Variants in MICAL2 observed in about 807,000 individuals in gnomAD.
MICAL2 encodes the protein [F-actin]-monooxygenase MICAL2.
MICAL2 carries 77 observed loss-of-function variants against 127.3 expected under a neutral mutation model. That is an observed-to-expected ratio of 0.60 (90% confidence interval 0.50 to 0.73). MICAL2 has a LOEUF of 0.73. Among genes scored for constraint, MICAL2 ranks in the 30% least tolerant of loss-of-function variants. The probability of loss-of-function intolerance (pLI) is 0.00; values close to 1 mark genes in which losing one functional copy is unlikely to be tolerated. For missense variants in MICAL2, 1,351 were observed against 1,434.4 expected, an observed-to-expected ratio of 0.94 and a Z score of 0.94; for synonymous variants, 570 against 551.1, an observed-to-expected ratio of 1.03 and a Z score of -0.48.
intron 33 of MICAL2, among the ~76,000 whole-genome samples, chr11:12,354,499 G>A (rs1193877894): frequency 6.6e-6 from 1 of 151,274 alleles, no homozygotes; most frequent in African/African-American, 2.4e-5. Flanking sequence ...TTAGCCAGGC[G>A]TGGTGGTGCA....
At chr11:12,306,401 T>A (rs1263425622) in intron 29 of MICAL2, among the ~76,000 whole-genome samples, 1 of 152,198 alleles carries the variant, frequency 6.6e-6, no homozygotes, top group Non-Finnish European at 1.5e-5. Context: ...ATTGACTATA[T>A]GGTCATTTAG....
Position 12,208,128 on chromosome 11 carries a change from A to C in MICAL2, c.578A>C (p.Gln193Pro). The C allele has an allele frequency of 6.2e-7, 1 of 1,610,748 alleles. No individual in the cohort carries two copies. Among genetic ancestry groups the C allele is most frequent in the Non-Finnish European group, 8.5e-7 (1 of 1,176,922 alleles). Residue 193 changes from glutamine to proline, a missense_variant, in exon 5 of 28, where the codon CAA becomes CCA. By Grantham distance (76) the Gln-to-Pro change is moderately conservative. Transcript: ENST00000683283. Reference sequence around the variant, plus strand: ...AAGGTTCTAGAGCCTCCTGAAGATCAAGAAAATCAAAGTACAGTATAATTT... The same window carrying C: ...AAGGTTCTAGAGCCTCCTGAAGATCCAGAAAATCAAAGTACAGTATAATTT... Reference protein sequence around the residue: ...FVKVLEPPEDQENQKIGWRAE... With the variant: ...FVKVLEPPEDPENQKIGWRAE...
At chr11:12,256,100 G>A (rs1371295307) in intron 23 of MICAL2, 1 of 208,020 alleles carries the variant, frequency 4.8e-6, no homozygotes, top group African/African-American at 2.3e-5. Context: ...CTGTGCATTG[G>A]ATTGAGAAAA....
chr11:12,261,889 T>C, intron 26 of MICAL2: 1 of 986,180 alleles, frequency 1.0e-6, no homozygotes, highest in African/African-American at 1.7e-5. Context: ...ATTCCTTTTG[T>C]TTGAGTATAG....
At chr11:12,177,426 A>G (rs913925263) in intron 3 of MICAL2, among the ~76,000 whole-genome samples, 1 of 152,096 alleles carries the variant, frequency 6.6e-6, no homozygotes, top group African/African-American at 2.4e-5. Flanking sequence ...ATTTGGAAAT[A>G]TTTTCTCTCA....
chr11:12,260,930 C>G (rs1446496379), intron 26 of MICAL2: 3 of 985,392 alleles, frequency 3.0e-6, no homozygotes, highest in Non-Finnish European at 3.6e-6. Flanking sequence ...CTAATGGGCA[C>G]TGCAGGGAAA....
chr11:12,243,045 C>T (rs1860200626), intron 20 of MICAL2: 1 of 288,834 alleles, frequency 3.5e-6, no homozygotes, highest in African/African-American at 2.3e-5. Flanking sequence ...GAAGCACAAG[C>T]CGGTAGACCC....
rs371215940 is a variant in MICAL2, at chr11:12,358,345, G to A, written c.5740G>A (p.Glu1914Lys). The A allele has an allele frequency of 1.3e-5, 21 of 1,613,982 alleles. No homozygotes were observed. Among genetic ancestry groups the A allele is most frequent in the African/African-American group, 2.7e-5 (2 of 74,906 alleles). The change falls in exon 35 of 35, where the codon GAG becomes AAG. Residue 1914 changes from glutamate to lysine, a missense_variant. Glu to Lys is a moderately conservative substitution (Grantham distance 56). Transcript: ENST00000646065. ...AAACGAAGAGCAAGAAGTATTCACCGAGCTGATGCAAGTGATTGAGCAAAG... is the reference window on the plus strand; with the variant it reads ...AAACGAAGAGCAAGAAGTATTCACCAAGCTGATGCAAGTGATTGAGCAAAG...
chr11:12,317,803 A>AG (rs577974982), intron 29 of MICAL2, among the ~76,000 whole-genome samples: 1 of 151,976 alleles, frequency 6.6e-6, no homozygotes, highest in Non-Finnish European at 1.5e-5. Flanking sequence ...AAAAAAAAAA[A>AG]AAGTACTAGA....
intron 32 of MICAL2, among the ~76,000 whole-genome samples, chr11:12,334,474 A>T (rs1330101806): frequency 6.6e-6 from 1 of 151,666 alleles, no homozygotes; most frequent in Non-Finnish European, 1.5e-5. Flanking sequence ...ATTATACTTT[A>T]AGTTTTAGGG....
chr11:12,335,179 T>C (rs1003857076), intron 32 of MICAL2, among the ~76,000 whole-genome samples: 1 of 150,192 alleles, frequency 6.7e-6, no homozygotes, highest in African/African-American at 2.5e-5. Context: ...ATTGTGGTTT[T>C]GATTTGCATT....
chr11:12,260,038 G>A (rs1862887009), intron 26 of MICAL2, 141 bp downstream of exon 26: 8 of 1,542,866 alleles, frequency 5.2e-6, no homozygotes, highest in South Asian at 1.2e-5. Flanking sequence ...CTACATGTAC[G>A]AGCTCCTGAG....
intron 30 of MICAL2, among the ~76,000 whole-genome samples, chr11:12,321,989 A>G (rs765132478): frequency 2.6e-5 from 4 of 152,052 alleles, no homozygotes; most frequent in Non-Finnish European, 5.9e-5. Context: ...TGAAATGTGG[A>G]TACTAGATTC....
chr11:12,202,130 A>G (rs1269004909), intron 3 of MICAL2, among the ~76,000 whole-genome samples: 1 of 152,136 alleles, frequency 6.6e-6, no homozygotes, highest in African/African-American at 2.4e-5. Context: ...CTCAAAAAAA[A>G]AAAAGACTTT....
In MICAL2 at chr11:12,304,594, CATTGCACTCCAGCATGGGCAACA is replaced by C. The variant is rs1864086044; in HGVS notation, c.5212+9739_5212+9761del. On this transcript the variant is annotated intron_variant, in intron 29 of 34. Coordinates refer to the MICAL2 transcript ENST00000646065. ...AGGTTGCAGTGAGCTGAGATCGTGC[CATTGCACTCCAGCATGGGCAACA>C]AGAGCGAAACTCTGTCTCAAACACA... Among the ~76,000 whole-genome samples, 2 of 151,650 alleles carry C rather than the reference CATTGCACTCCAGCATGGGCAACA, an allele frequency of 1.3e-5. 1 individual carries two copies. Among genetic ancestry groups the C allele is most frequent in the South Asian group, 4.2e-4 (2 of 4,772 alleles).
intron 26 of MICAL2, chr11:12,260,853 TCA>T (rs1863022278): frequency 1.0e-6 from 1 of 985,296 alleles, no homozygotes; most frequent in African/African-American, 1.7e-5. Context: ...CCATACCAAC[TCA>T]CAGCCAAATG....
chr11:12,130,793 G>T (rs1321607422), intron 1 of MICAL2, among the ~76,000 whole-genome samples: 1 of 151,792 alleles, frequency 6.6e-6, no homozygotes, highest in African/African-American at 2.4e-5. Flanking sequence ...CCAGCACTTG[G>T]GCTAGAATTA....
rs1410926283 is a variant in MICAL2 at position 12,224,665 on chromosome 11, T to C, written c.1541-8T>C. 3.7e-6 allele frequency: 6 copies of C among 1,613,022 alleles called. No individual in the cohort carries two copies. The highest frequency in any genetic ancestry group is 1.7e-5 in the Admixed American group (1 of 59,984). On this transcript the variant is annotated splice_polypyrimidine_tract_variant and splice_region_variant and intron_variant, in intron 12 of 27. Transcript: ENST00000683283. ...AGAGCCTCACTGCCTGCGCTCTCCT[T>C]CTTGCAGAGTCAGATATCCGGCCCA... is the stretch of plus-strand genomic sequence containing the variant.
At chr11:12,271,220 G>A (rs969464292), upstream of MICAL2, among the ~76,000 whole-genome samples, 4 of 152,192 alleles carry the variant, frequency 2.6e-5, no homozygotes, top group Non-Finnish European at 5.9e-5. Flanking sequence ...CTGCTCTGCA[G>A]GGTGCTGGAT....
Sources: gnomAD v4.1 joint callset for allele counts (sites outside exome capture counted in the v4.1 genomes callset) on GRCh38, gnomAD v4.1.1 for gene constraint, MANE v1.5 for transcripts, NCBI Gene and HGNC (gene_info 2026-07-23, HGNC 2026-07-21) for gene names.